Variants in RPTOR observed in about 807,000 individuals in gnomAD.
RPTOR encodes regulatory associated protein of MTOR complex 1, also known as regulatory-associated protein of mTOR.
In RPTOR, 21 loss-of-function variants were observed where a neutral mutation model predicts 169.9. The observed-to-expected ratio is 0.12, with a 90% confidence interval of 0.09 to 0.18. RPTOR has a LOEUF of 0.18. RPTOR is among the 10% of genes least tolerant of loss of function. RPTOR has a pLI of 1.00. For missense variants in RPTOR, 1,133 were observed against 1,855.9 expected, an observed-to-expected ratio of 0.61 and a Z score of 7.16; for synonymous variants, 732 against 753.2, an observed-to-expected ratio of 0.97 and a Z score of 0.46.
chr17:80,895,996 C>T (rs2068394187), intron 20 of RPTOR, among the ~76,000 whole-genome samples: 1 of 152,148 alleles, frequency 6.6e-6, no homozygotes, highest in East Asian at 1.9e-4. Context: ...TTTTATGATG[C>T]CTTTGGTGCC....
chr17:80,791,033 C>A (rs1716221265), intron 6 of RPTOR, among the ~76,000 whole-genome samples: 1 of 152,104 alleles, frequency 6.6e-6, no homozygotes, highest in African/African-American at 2.4e-5. Flanking sequence ...ATTTGCATTT[C>A]TTTTGTGTGT....
chr17:80,620,557 G>C (rs761086004), intron 1 of RPTOR, among the ~76,000 whole-genome samples: 2 of 152,204 alleles, frequency 1.3e-5, no homozygotes, highest in Non-Finnish European at 2.9e-5. Flanking sequence ...CCGAGGTCAG[G>C]AGTTCAAGAC....
intron 20 of RPTOR, among the ~76,000 whole-genome samples, chr17:80,898,650 G>GCCCCCGCTCCC (rs1358144906): frequency 4.5e-5 from 1 of 22,012 alleles, no homozygotes; most frequent in African/African-American, 1.9e-4. Context: ...CCCAACCCCT[G>GCCCCCGCTCCC]CCCCCGCTCC....
intron 3 of RPTOR, among the ~76,000 whole-genome samples, chr17:80,658,823 A>G (rs1303956157): frequency 6.6e-6 from 1 of 152,000 alleles, no homozygotes; most frequent in African/African-American, 2.4e-5. Flanking sequence ...GTATTTTTCT[A>G]TTCTGTGATT....
chr17:80,700,475 GTGATGA>G (rs565407689), intron 3 of RPTOR, among the ~76,000 whole-genome samples: 2 of 136,900 alleles, frequency 1.5e-5, no homozygotes, highest in South Asian at 2.4e-4. Flanking sequence ...GGTGGTGGTG[GTGATGA>G]TGGTGGTGGT....
Position 80,708,134 on chromosome 17 carries a change from A to G in RPTOR, c.507+135A>G, listed in dbSNP as rs1054845669. On this transcript the variant is annotated intron_variant, in intron 4 of 33. Transcript: ENST00000306801. This position sits in a 1 kb window ranked among gnomAD's most constrained non-coding sequence, Gnocchi z 4.2. ...CTGTGTTTCAACAAACCCAAATGCC[A>G]TAACTGAACGGACCAGGTAGTCAGG... is the stretch of plus-strand genomic sequence containing the variant. 28 of 856,504 alleles carry G rather than the reference A, an allele frequency of 3.3e-5. No individual in the cohort carries two copies. The highest frequency in any genetic ancestry group is 4.8e-5 in the Non-Finnish European group (27 of 567,710). 53.1% of individuals were successfully genotyped at this position (856,504 alleles called of 1,614,324 possible).
chr17:80,561,416 G>A lies in RPTOR; in HGVS notation c.162+15625G>A, dbSNP rs149564935. Reference sequence around the variant, plus strand: ...GAGCCACGCACCCAGCCCTAGAATGGCATTTTATTTTATTTTTATTTTTAG... The same window carrying A: ...GAGCCACGCACCCAGCCCTAGAATGACATTTTATTTTATTTTTATTTTTAG... On this transcript the variant is annotated intron_variant, in intron 1 of 33. Transcript: ENST00000306801. Among the ~76,000 whole-genome samples the A allele has an allele frequency of 1.9e-4, 28 of 151,018 alleles. No homozygotes were observed. The East Asian group carries it at 5.1e-3, about 27-fold the overall frequency.
chr17:80,582,418 A>G (rs1318136731), intron 1 of RPTOR, among the ~76,000 whole-genome samples: 1 of 152,178 alleles, frequency 6.6e-6, no homozygotes, highest in Non-Finnish European at 1.5e-5. Flanking sequence ...TTCCCTGAAC[A>G]ATTGGACTGT....
At chr17:80,825,673 C>T (rs2067434296) in intron 9 of RPTOR, among the ~76,000 whole-genome samples, 2 of 152,228 alleles carry the variant, frequency 1.3e-5, no homozygotes, top group African/African-American at 2.4e-5. Flanking sequence ...CTGGGGACAG[C>T]ATCACAAGGG....
At chr17:80,622,454 TTTG>T (rs1283222816) in intron 1 of RPTOR, among the ~76,000 whole-genome samples, 3 of 152,194 alleles carry the variant, frequency 2.0e-5, no homozygotes, top group African/African-American at 7.2e-5. Flanking sequence ...TACAGTGACT[TTTG>T]TTGTTCTGAT....
At chr17:80,576,028 A>C (rs1222258815) in intron 1 of RPTOR, among the ~76,000 whole-genome samples, 1 of 152,192 alleles carries the variant, frequency 6.6e-6, no homozygotes, top group African/African-American at 2.4e-5. Context: ...TAGTTACACC[A>C]GTTTTCTCTT....
At chr17:80,546,027 TC>T (rs138734408) in intron 1 of RPTOR, among the ~76,000 whole-genome samples, 2,786 of 152,300 alleles carry the variant, frequency 0.018, 90 homozygotes, top group African/African-American at 0.064. Flanking sequence ...AAGTTCTAAT[TC>T]AGATAATAAA....
intron 5 of RPTOR, among the ~76,000 whole-genome samples, chr17:80,753,632 CAA>C (rs35693819): frequency 4.7e-4 from 45 of 94,946 alleles, no homozygotes; most frequent in African/African-American, 1.1e-3. Context: ...AACTCCGTCT[CAA>C]AAAAAAAAAA....
At chr17:80,875,736 C>G (rs1485414459) in intron 13 of RPTOR, among the ~76,000 whole-genome samples, 1 of 149,986 alleles carries the variant, frequency 6.7e-6, no homozygotes, top group Non-Finnish European at 1.5e-5. Context: ...CCGTGCCACG[C>G]AGGGTGTGTG....
intron 7 of RPTOR, among the ~76,000 whole-genome samples, chr17:80,796,760 G>C (rs2143514242): frequency 6.6e-6 from 1 of 152,354 alleles, no homozygotes; most frequent in East Asian, 1.9e-4. Flanking sequence ...AAAAGCACCT[G>C]TTTTAGTGTC....
intron 20 of RPTOR, among the ~76,000 whole-genome samples, chr17:80,894,797 A>C (rs970984110): frequency 3.9e-5 from 6 of 152,062 alleles, no homozygotes; most frequent in African/African-American, 7.2e-5. Flanking sequence ...TTCCCAGCTT[A>C]AGGAATTACA....
chr17:80,655,167 C>T (rs1373726703), intron 3 of RPTOR, among the ~76,000 whole-genome samples: 1 of 152,102 alleles, frequency 6.6e-6, no homozygotes, highest in African/African-American at 2.4e-5. Context: ...CTCACTGCAG[C>T]CTCCATCTCC....
At chr17:80,685,627 A>ATATTTT (rs1269766086) in intron 3 of RPTOR, among the ~76,000 whole-genome samples, 4 of 30,686 alleles carry the variant, frequency 1.3e-4, no homozygotes, top group Non-Finnish European at 2.1e-4. Context: ...ATATATATAT[A>ATATTTT]TTTTTTTTTT....
At chr17:80,760,979 T>C (rs2066731508) in intron 6 of RPTOR, among the ~76,000 whole-genome samples, 1 of 152,246 alleles carries the variant, frequency 6.6e-6, no homozygotes, top group South Asian at 2.1e-4. Context: ...TTGGAAGACA[T>C]TGTTCTCTAA....
Sources: gnomAD v4.1 joint callset for allele counts (sites outside exome capture counted in the v4.1 genomes callset) on GRCh38, gnomAD v4.1.1 for gene constraint, Gnocchi (gnomAD v3.1) non-coding constraint, MANE v1.5 for transcripts, NCBI Gene and HGNC (gene_info 2026-07-23, HGNC 2026-07-21) for gene names.